CNOT6L: variants seen among roughly 807,000 people sequenced by gnomAD.
CNOT6L encodes the protein CCR4-NOT transcription complex subunit 6 like.
A neutral mutation model predicts 64.0 loss-of-function variants in CNOT6L; 7 were observed. The ratio of observed to expected loss-of-function variants is 0.11; its 90% CI spans 0.06 to 0.21. The LOEUF is 0.21. Ranked by LOEUF, CNOT6L falls within the 10% of genes least tolerant of loss-of-function variation. The pLI is 1.00. For synonymous variants in CNOT6L, 193 were observed against 243.4 expected (o/e 0.79, Z 1.93); for missense variants, 245 against 669.0 (o/e 0.37, Z 6.99).
At chr4:77,798,138 C>G (rs1034787204) in intron 1 of CNOT6L, among the ~76,000 whole-genome samples, 1 of 151,980 alleles carries the variant, frequency 6.6e-6, no homozygotes, top group African/African-American at 2.4e-5. Flanking sequence ...CCAGCCTGGG[C>G]AAATATAGCA....
chr4:77,816,192 A>G (rs1057036834), intron 1 of CNOT6L, among the ~76,000 whole-genome samples: 4 of 152,094 alleles, frequency 2.6e-5, no homozygotes, highest in Non-Finnish European at 5.9e-5. Context: ...TCATATCCAA[A>G]TATCTTTATA....
At chr4:77,802,618 G>C (rs1159177548) in intron 1 of CNOT6L, among the ~76,000 whole-genome samples, 1 of 152,230 alleles carries the variant, frequency 6.6e-6, no homozygotes, top group East Asian at 1.9e-4. Context: ...GGAGTTTATG[G>C]GTGAGAGAGA....
intron 1 of CNOT6L, among the ~76,000 whole-genome samples, chr4:77,818,164 T>C (rs1260460469): frequency 6.6e-6 from 1 of 152,190 alleles, no homozygotes; most frequent in Non-Finnish European, 1.5e-5. Flanking sequence ...TACGGTAAAA[T>C]GTAACACTGT....
At chr4:77,796,648 G>C (rs917061151) in intron 1 of CNOT6L, among the ~76,000 whole-genome samples, 3 of 152,112 alleles carry the variant, frequency 2.0e-5, no homozygotes, top group Non-Finnish European at 2.9e-5. Context: ...TGTGAGAACA[G>C]ACTAACAGAA....
At chr4:77,802,921 T>G (rs1277311226) in intron 1 of CNOT6L, among the ~76,000 whole-genome samples, 1 of 152,154 alleles carries the variant, frequency 6.6e-6, no homozygotes, top group African/African-American at 2.4e-5. Context: ...TTTTATAATC[T>G]TGGGGTGCAG....
rs1410001390 is a variant in CNOT6L at position 77,718,887 on chromosome 4, T to G, written c.*1544A>C. The G allele has an allele frequency of 6.6e-6, 1 of 152,624 alleles. No homozygotes were observed. Among genetic ancestry groups the G allele is most frequent in the Non-Finnish European group, 1.5e-5 (1 of 68,026 alleles). 9.5% of individuals were successfully genotyped at this position (152,624 alleles called of 1,614,324 possible). A position where few individuals can be genotyped will look rare whatever the true frequency, so the allele number is the denominator to read the frequency against. On this transcript the variant is annotated 3_prime_UTR_variant, in exon 12 of 12. Transcript: ENST00000504123. Reference sequence around the variant, plus strand: ...ATTTAAATTTGACCTATACTTTATATATTAGTGAGACACAAATATAGGCTA... The same window carrying G: ...ATTTAAATTTGACCTATACTTTATAGATTAGTGAGACACAAATATAGGCTA...
chr4:77,803,702 A>G (rs934271395), intron 1 of CNOT6L, among the ~76,000 whole-genome samples: 1 of 152,160 alleles, frequency 6.6e-6, no homozygotes, highest in South Asian at 2.1e-4. Context: ...ACGGCAGTTC[A>G]AGACCAGCCT....
At chr4:77,801,134 C>A (rs531859223) in intron 1 of CNOT6L, among the ~76,000 whole-genome samples, 16 of 152,256 alleles carry the variant, frequency 1.1e-4, no homozygotes, top group Admixed American at 7.2e-4. Flanking sequence ...TTGAGTCAAG[C>A]TTGGTTCCAG....
intron 1 of CNOT6L, among the ~76,000 whole-genome samples, chr4:77,783,362 C>T (rs1270355970): frequency 2.0e-5 from 3 of 152,142 alleles, no homozygotes; most frequent in African/African-American, 4.8e-5. Flanking sequence ...TGTCCTTACC[C>T]GCATGGAGCA....
intron 1 of CNOT6L, among the ~76,000 whole-genome samples, chr4:77,815,219 TCTGAA>T (rs771395037): frequency 4.6e-5 from 7 of 152,290 alleles, no homozygotes; most frequent in Non-Finnish European, 2.9e-5. Context: ...GTCCTACTGA[TCTGAA>T]CTGATTTCAA....
At chr4:77,789,967 AAAAAAAAAAAAAAT>A (rs1334860646) in intron 1 of CNOT6L, among the ~76,000 whole-genome samples, 17 of 141,746 alleles carry the variant, frequency 1.2e-4, no homozygotes, top group Admixed American at 1.0e-3. Flanking sequence ...AAAAAAAAAA[AAAAAAAAAAAAAAT>A]TCATTCCCAT....
intron 1 of CNOT6L, among the ~76,000 whole-genome samples, chr4:77,814,742 A>G (rs1238401291): frequency 6.6e-6 from 1 of 152,186 alleles, no homozygotes; most frequent in Non-Finnish European, 1.5e-5. Context: ...CTCCCCAGAG[A>G]TCCCTAACCA....
At chr4:77,727,854 T>C (rs1168915792) in intron 10 of CNOT6L, among the ~76,000 whole-genome samples, 1 of 152,216 alleles carries the variant, frequency 6.6e-6, no homozygotes, top group African/African-American at 2.4e-5. Context: ...TAAACAATGA[T>C]TTCAGCATTA....
At chr4:77,750,761 T>C (rs184023866) in intron 5 of CNOT6L, among the ~76,000 whole-genome samples, 1 of 152,080 alleles carries the variant, frequency 6.6e-6, no homozygotes, top group South Asian at 2.1e-4. Flanking sequence ...ATACAATAAA[T>C]AAATATATTG....
intron 1 of CNOT6L, among the ~76,000 whole-genome samples, chr4:77,792,807 C>A (rs1484590474): frequency 6.7e-6 from 1 of 149,460 alleles, no homozygotes; most frequent in African/African-American, 2.5e-5. Context: ...ACTAACATAA[C>A]AAATCACAGT....
chr4:77,746,656 C>A (rs1724233074), intron 6 of CNOT6L, among the ~76,000 whole-genome samples: 1 of 152,036 alleles, frequency 6.6e-6, no homozygotes, highest in Non-Finnish European at 1.5e-5. Flanking sequence ...AAAATCTTTT[C>A]TTCAAGATTA....
At chr4:77,747,190 T>A (rs1020732403) in intron 6 of CNOT6L, among the ~76,000 whole-genome samples, 4 of 152,124 alleles carry the variant, frequency 2.6e-5, no homozygotes, top group Admixed American at 6.5e-5. Context: ...TGAGACAGGG[T>A]CTTGCTCTGT....
At chr4:77,807,678 T>C (rs1178150684) in intron 1 of CNOT6L, among the ~76,000 whole-genome samples, 2 of 151,780 alleles carry the variant, frequency 1.3e-5, no homozygotes, top group South Asian at 2.1e-4. Flanking sequence ...TGAGAGAGAG[T>C]AGTAACAAAT....
Position 77,762,219 on chromosome 4 carries a change from C to G in CNOT6L, c.401-5268G>C, listed in dbSNP as rs79733926. 6.6e-3 allele frequency among the ~76,000 whole-genome samples: 1,011 copies of G among 152,234 alleles called. 9 individuals are homozygous for G. Among genetic ancestry groups the G allele is most frequent in the African/African-American group, 0.023 (942 of 41,562 alleles). Reference sequence around the variant, plus strand: ...TTTCAGCAGGATATTTTGCATAAATCATAAGTTCATTCTAAAATGTATATG... The same window carrying G: ...TTTCAGCAGGATATTTTGCATAAATGATAAGTTCATTCTAAAATGTATATG... On this transcript the variant is annotated intron_variant, in intron 4 of 11. Transcript: ENST00000504123.
Sources: allele counts gnomAD v4.1 joint callset (sites outside exome capture counted in the v4.1 genomes callset), GRCh38; gene constraint gnomAD v4.1.1; transcripts MANE v1.5; gene names NCBI Gene and HGNC (gene_info 2026-07-23, HGNC 2026-07-21).